Variants in AFF3 observed in about 807,000 individuals in gnomAD.
AFF3 encodes the protein AF4/FMR2 family member 3.
AFF3 carries 32 observed loss-of-function variants against 129.7 expected under a neutral mutation model. The observed-to-expected ratio is 0.25, with a 90% CI of 0.19 to 0.33. The LOEUF is 0.33. Among genes scored for constraint, AFF3 ranks in the 10% least tolerant of loss-of-function variants. The pLI is 1.00. For missense variants in AFF3, 1,373 were observed against 1,592.0 expected, an observed-to-expected ratio of 0.86 and a Z score of 2.34; for synonymous variants, 644 against 635.4, an observed-to-expected ratio of 1.01 and a Z score of -0.20.
rs1676260407 is a variant in AFF3 at position 99,569,217 on chromosome 2, A to C, written c.2919-302T>G. ...TTTTTTTATTGTATGGTTAAAAAAA[A>C]AGCGAGAAATCTTATTTTAGGTAAT... On this transcript the variant is annotated intron_variant, in intron 18 of 24. Coordinates refer to ENST00000672756, the MANE Select transcript of AFF3 (RefSeq NM_001386135.1). Among the ~76,000 whole-genome samples the C allele has an allele frequency of 2.6e-5, 4 of 152,248 alleles. No individual in the cohort carries two copies. In the South Asian group the frequency reaches 8.3e-4, roughly 31 times the overall value.
intron 13 of AFF3, among the ~76,000 whole-genome samples, chr2:99,631,349 T>C (rs535272103): frequency 3.9e-5 from 6 of 152,308 alleles, no homozygotes; most frequent in Admixed American, 1.3e-4. Context: ...GTAAAATACA[T>C]ACAATATAAA....
At chr2:100,026,405 T>C (rs1684046042) in intron 4 of AFF3, among the ~76,000 whole-genome samples, 1 of 152,120 alleles carries the variant, frequency 6.6e-6, no homozygotes, top group African/African-American at 2.4e-5. Context: ...ACAGTAGATG[T>C]TGGCATGGAT....
intron 7 of AFF3, among the ~76,000 whole-genome samples, chr2:99,989,044 C>G (rs73964396): frequency 6.6e-6 from 1 of 152,140 alleles, no homozygotes; most frequent in African/African-American, 2.4e-5. Flanking sequence ...ATGATGGGAG[C>G]AAACCAAAGA....
intron 8 of AFF3, among the ~76,000 whole-genome samples, chr2:99,788,916 A>G (rs1428510810): frequency 6.6e-6 from 1 of 152,190 alleles, no homozygotes; most frequent in African/African-American, 2.4e-5. Flanking sequence ...ACGATTGCCT[A>G]TAGCATTCAG....
At position 99,601,621 on chromosome 2, in the gene AFF3, G is replaced by T; in HGVS notation, c.1185C>A (p.Ser395Arg). ...QRTALRALSD[S>R]AVVQQPNCRT... Reference sequence around the variant, plus strand: ...TGCAGTTGGGCTGCTGGACCACGGCGCTGCCAGCCCGCGAGGCCCCCGGGA... The same window carrying T: ...TGCAGTTGGGCTGCTGGACCACGGCTCTGCCAGCCCGCGAGGCCCCCGGGA... Residue 395 changes from serine to arginine, a missense_variant and splice_region_variant, in exon 14 of 25, where the codon AGC (serine) becomes AGA (arginine). By Grantham distance (110) the Ser-to-Arg change is moderately radical. Coordinates refer to ENST00000672756, the MANE Select transcript of AFF3 (RefSeq NM_001386135.1). 1 of 1,589,898 alleles carries T rather than the reference G, an allele frequency of 6.3e-7. No individual in the cohort carries two copies. Among genetic ancestry groups the T allele is most frequent in the Non-Finnish European group, 8.5e-7 (1 of 1,173,814 alleles).
intron 7 of AFF3, among the ~76,000 whole-genome samples, chr2:99,840,865 G>T (rs1370056370): frequency 6.6e-6 from 1 of 152,156 alleles, no homozygotes; most frequent in Non-Finnish European, 1.5e-5. Context: ...GTTCATGGTG[G>T]GAATGAGTGG....
intron 7 of AFF3, among the ~76,000 whole-genome samples, chr2:99,929,625 AT>A (rs1456042107): frequency 6.6e-6 from 1 of 152,232 alleles, no homozygotes; most frequent in East Asian, 1.9e-4. Context: ...TTACCAAAAA[AT>A]GTCCTCTTAG....
chr2:99,828,114 C>T (rs1438609182), intron 8 of AFF3, among the ~76,000 whole-genome samples: 2 of 152,038 alleles, frequency 1.3e-5, no homozygotes, highest in African/African-American at 2.4e-5. Flanking sequence ...ACTCACATAC[C>T]ATGTACAAAC....
chr2:99,678,913 C>T (rs183186279), intron 11 of AFF3, among the ~76,000 whole-genome samples: 2 of 152,348 alleles, frequency 1.3e-5, no homozygotes, highest in East Asian at 3.9e-4. Context: ...GTGCTACCAT[C>T]TGCCTGTGGT....
At chr2:99,945,533 C>T (rs955288623) in intron 7 of AFF3, among the ~76,000 whole-genome samples, 9 of 152,164 alleles carry the variant, frequency 5.9e-5, no homozygotes, top group African/African-American at 1.9e-4. Context: ...AGACAATGAA[C>T]AGGAAGGAGT....
At position 99,580,690 on chromosome 2, in the gene AFF3, C is replaced by T. The variant is rs568008652; in HGVS notation, c.2793+2108G>A. On this transcript the variant is annotated intron_variant, in intron 17 of 24. Transcript: ENST00000672756. ...CGGGCAGATCACGAGGTCAGGAGAT[C>T]GAGACCATCCTGGCTAACATGGTGA... is the stretch of plus-strand genomic sequence containing the variant. 6.4e-5 allele frequency: 10 copies of T among 155,074 alleles called. No homozygotes were observed. In the South Asian group the frequency reaches 1.6e-3, roughly 24 times the overall value. 9.6% of individuals were successfully genotyped at this position (155,074 alleles called of 1,614,324 possible).
At chr2:100,094,128 C>T (rs971045258) in intron 4 of AFF3, among the ~76,000 whole-genome samples, 2 of 152,242 alleles carry the variant, frequency 1.3e-5, no homozygotes, top group African/African-American at 4.8e-5. Context: ...GGTCCTCAAC[C>T]TCTTTGGCAC....
intron 18 of AFF3, among the ~76,000 whole-genome samples, chr2:99,571,896 T>C (rs181459921): frequency 6.6e-6 from 1 of 152,336 alleles, no homozygotes; most frequent in African/African-American, 2.4e-5. Flanking sequence ...AAATTGCTTG[T>C]CACCATTGTG....
chr2:99,651,225 T>G (rs536087812), intron 12 of AFF3, among the ~76,000 whole-genome samples: 1 of 151,954 alleles, frequency 6.6e-6, no homozygotes, highest in Non-Finnish European at 1.5e-5. Flanking sequence ...CTCCCAAGTT[T>G]TGTACTTGCT....
intron 13 of AFF3, among the ~76,000 whole-genome samples, chr2:99,648,881 G>GCACACACACACACACACACACACACA (rs367768868): frequency 4.6e-5 from 3 of 64,914 alleles, no homozygotes; most frequent in Non-Finnish European, 6.3e-5. Flanking sequence ...CTCAAAACAC[G>GCACACACACACACACACACACACACA]CGCGCACACA....
intron 2 of AFF3, among the ~76,000 whole-genome samples, chr2:100,113,787 G>A (rs556636950): frequency 6.0e-4 from 92 of 152,192 alleles, no homozygotes; most frequent in African/African-American, 2.2e-3. Context: ...CCAGGCAGAG[G>A]GAAAACCACA....
At chr2:100,138,810 C>T (rs112584955) in intron 1 of AFF3, among the ~76,000 whole-genome samples, 8,082 of 151,686 alleles carry the variant, frequency 0.053, 269 homozygotes, top group Non-Finnish European at 0.071. Context: ...CCAGGCGTGA[C>T]GGTGGGCGCC....
In AFF3 at chr2:99,648,917, A is replaced by ACACACACT; in HGVS notation, c.1184+708_1184+709insAGTGTGTG. ...CACACACACACACACACACACACAC[A>ACACACACT]CTCTCTCTCTCTCTCTCTCTCCAAT... is the stretch of plus-strand genomic sequence containing the variant. On this transcript the variant is annotated intron_variant, in intron 13 of 24. Transcript: ENST00000672756. Among the ~76,000 whole-genome samples the ACACACACT allele has an allele frequency of 4.0e-4, 19 of 46,942 alleles. 1 individual carries two copies. In the South Asian group the frequency reaches 0.017, roughly 43 times the overall value. The allele number at this position is 46,942 out of a possible 152,430, so 30.8% of individuals were successfully genotyped here. A position where few individuals can be genotyped will look rare whatever the true frequency, so the allele number is the denominator to read the frequency against.
At chr2:99,875,505 C>CT (rs1383199632) in intron 7 of AFF3, among the ~76,000 whole-genome samples, 1 of 152,174 alleles carries the variant, frequency 6.6e-6, no homozygotes, top group Admixed American at 6.5e-5. Flanking sequence ...GGGTAGAGAC[C>CT]TTGCATTTTT....
Sources: gnomAD v4.1 joint callset for allele counts (sites outside exome capture counted in the v4.1 genomes callset) on GRCh38, gnomAD v4.1.1 for gene constraint, MANE v1.5 for transcripts, NCBI Gene and HGNC (gene_info 2026-07-23, HGNC 2026-07-21) for gene names.